The following MAST4 variants were observed in gnomAD, a reference collection of about 807,000 sequenced individuals.
MAST4 encodes microtubule associated serine/threonine kinase family member 4.
Under a neutral mutation model 162.7 loss-of-function variants are expected in MAST4, and 89 were observed. That is an observed-to-expected ratio of 0.55 (90% CI 0.46 to 0.65). The LOEUF (loss-of-function observed/expected upper bound fraction) is 0.65. Among genes scored for constraint, MAST4 ranks in the 30% least tolerant of loss-of-function variants. MAST4 has a pLI of 0.00. For synonymous variants in MAST4, 1,479 were observed against 1,361.1 expected, an observed-to-expected ratio of 1.09 and a Z score of -1.91; for missense variants, 3,153 against 3,374.0, an observed-to-expected ratio of 0.93 and a Z score of 1.62.
chr5:66,658,751 A>G (rs1287407526), intron 1 of MAST4, among the ~76,000 whole-genome samples: 1 of 152,094 alleles, frequency 6.6e-6, no homozygotes, highest in African/African-American at 2.4e-5. Context: ...AGCTGGTGGG[A>G]TGGCTCACGC....
chr5:67,102,308 A>G (rs778071520), intron 8 of MAST4, among the ~76,000 whole-genome samples: 29 of 152,158 alleles, frequency 1.9e-4, no homozygotes, highest in Admixed American at 5.9e-4. Context: ...ATTTTGTGGC[A>G]TTCCACTTCT....
chr5:66,825,242 CT>C (rs1757183886), intron 3 of MAST4, among the ~76,000 whole-genome samples: 1 of 147,456 alleles, frequency 6.8e-6, no homozygotes, highest in South Asian at 2.2e-4. Context: ...ACTTTTTAAC[CT>C]TTTTTGTTAA....
chr5:67,129,733 A>G (rs1333004232), intron 14 of MAST4, among the ~76,000 whole-genome samples: 2 of 608 alleles, frequency 3.3e-3, no homozygotes, highest in East Asian at 0.027. Flanking sequence ...CAAAAAAAAA[A>G]AAGAAAAAGG....
At chr5:66,905,421 C>A (rs912825918) in intron 4 of MAST4, among the ~76,000 whole-genome samples, 3 of 151,700 alleles carry the variant, frequency 2.0e-5, no homozygotes, top group Admixed American at 6.6e-5. Flanking sequence ...TGAGGGATTG[C>A]TGAGAGCATT....
chr5:67,045,499 A>G (rs939194790), intron 4 of MAST4, among the ~76,000 whole-genome samples: 1 of 152,238 alleles, frequency 6.6e-6, no homozygotes, highest in African/African-American at 2.4e-5. Context: ...ATGTACACTT[A>G]TACACAGTGT....
intron 1 of MAST4, among the ~76,000 whole-genome samples, chr5:66,627,335 T>C (rs186247292): frequency 2.2e-4 from 34 of 152,308 alleles, no homozygotes; most frequent in Admixed American, 1.9e-3. Context: ...ACATGGAGAT[T>C]ATGGGAACTA....
chr5:66,858,812 T>C (rs992810880), intron 3 of MAST4, among the ~76,000 whole-genome samples: 5 of 152,168 alleles, frequency 3.3e-5, no homozygotes, highest in African/African-American at 1.2e-4. Context: ...TTCTGTTAAT[T>C]CTGTATTCAT....
intron 3 of MAST4, among the ~76,000 whole-genome samples, chr5:66,890,890 A>G (rs575679498): frequency 6.6e-6 from 1 of 152,336 alleles, no homozygotes; most frequent in Admixed American, 6.5e-5. Flanking sequence ...AGTGAAGTTT[A>G]AATAAGATAA....
intron 3 of MAST4, among the ~76,000 whole-genome samples, chr5:66,819,019 T>TA (rs2149728432): frequency 6.6e-6 from 1 of 152,298 alleles, no homozygotes; most frequent in Admixed American, 6.5e-5. Flanking sequence ...AAGACGGAGT[T>TA]AATGTCATAG....
At chr5:66,751,715 ACT>A (rs1350538202) in intron 1 of MAST4, among the ~76,000 whole-genome samples, 1 of 150,490 alleles carries the variant, frequency 6.6e-6, no homozygotes, top group African/African-American at 2.5e-5. Flanking sequence ...GTTGGAAAAC[ACT>A]CTGCAGGATA....
At chr5:66,936,806 A>G (rs1347559190) in intron 4 of MAST4, among the ~76,000 whole-genome samples, 1 of 152,252 alleles carries the variant, frequency 6.6e-6, no homozygotes, top group East Asian at 1.9e-4. Flanking sequence ...TTATGTGGGT[A>G]TGTTAAATAA....
At chr5:66,885,064 G>C (rs1039868764) in intron 3 of MAST4, among the ~76,000 whole-genome samples, 6 of 152,158 alleles carry the variant, frequency 3.9e-5, no homozygotes, top group Non-Finnish European at 5.9e-5. Flanking sequence ...CTAGAGCTCT[G>C]TCATGCTCTT....
intron 4 of MAST4, among the ~76,000 whole-genome samples, chr5:66,987,747 G>C (rs1163486703): frequency 6.6e-6 from 1 of 152,156 alleles, no homozygotes; most frequent in African/African-American, 2.4e-5. Context: ...CAGAGTGACA[G>C]TGCTAGTGCT....
intron 2 of MAST4, among the ~76,000 whole-genome samples, chr5:66,763,500 T>A (rs1291641289): frequency 6.6e-6 from 1 of 152,202 alleles, no homozygotes; most frequent in African/African-American, 2.4e-5. Flanking sequence ...TTTATAATAA[T>A]TAAAATTTCA....
chr5:66,701,525 T>G (rs1298174000), intron 1 of MAST4, among the ~76,000 whole-genome samples: 1 of 152,238 alleles, frequency 6.6e-6, no homozygotes, highest in Non-Finnish European at 1.5e-5. Flanking sequence ...AGGCCTTGGT[T>G]TTCTGATCCA....
chr5:66,842,689 A>G (rs57644749), intron 3 of MAST4, among the ~76,000 whole-genome samples: 39,384 of 152,072 alleles, frequency 0.26, 6,010 homozygotes, highest in Non-Finnish European at 0.35. Context: ...CTAGAAGCTA[A>G]TTGACTGATT....
chr5:67,154,097 C>T (rs990901665), intron 26 of MAST4, among the ~76,000 whole-genome samples: 1 of 152,142 alleles, frequency 6.6e-6, no homozygotes, highest in Admixed American at 6.5e-5. Flanking sequence ...GCCTCCCTCC[C>T]CACCATACAA....
chr5:66,811,388 A>G (rs1756469263), intron 3 of MAST4, among the ~76,000 whole-genome samples: 1 of 152,188 alleles, frequency 6.6e-6, no homozygotes, highest in Non-Finnish European at 1.5e-5. Context: ...GCCTATATTC[A>G]TGAAAAAAAT....
intron 1 of MAST4, among the ~76,000 whole-genome samples, chr5:66,700,434 T>A (rs1007861674): frequency 6.6e-6 from 1 of 152,066 alleles, no homozygotes; most frequent in African/African-American, 2.4e-5. Context: ...AATTTTATAT[T>A]AACCTTGTCA....
Sources: allele counts gnomAD v4.1 joint callset (sites outside exome capture counted in the v4.1 genomes callset), GRCh38; gene constraint gnomAD v4.1.1; transcripts MANE v1.5; gene names NCBI Gene and HGNC (gene_info 2026-07-23, HGNC 2026-07-21).